Variants in RYR2 observed in about 807,000 individuals in gnomAD.
RYR2 encodes the protein cardiac muscle ryanodine receptor-calcium release channel.
Under a neutral mutation model 601.1 loss-of-function variants are expected in RYR2, and 227 were observed. The observed-to-expected ratio is 0.38, with a 90% CI of 0.34 to 0.42. The LOEUF (loss-of-function observed/expected upper bound fraction) is 0.42. Ranked by LOEUF, RYR2 falls within the 10% of genes least tolerant of loss-of-function variation. The probability of loss-of-function intolerance (pLI) is 1.00; values close to 1 mark genes in which losing one functional copy is unlikely to be tolerated. For missense variants in RYR2, 4,646 were observed against 6,156.5 expected (o/e 0.75, Z 8.21); for synonymous variants, 2,223 against 2,175.1 (o/e 1.02, Z -0.61).
rs1572573245 is a variant in RYR2, at chr1:237,492,716, A to C, written c.1828-238A>C. Among the ~76,000 whole-genome samples the C allele has an allele frequency of 2.0e-5, 3 of 151,866 alleles. No individual in the cohort carries two copies. The East Asian group carries it at 5.8e-4, about 29-fold the overall frequency. On this transcript the variant is annotated intron_variant, in intron 18 of 104. Transcript: ENST00000366574. ...TAGCCAGATGTGGTGGCATGCACCTACAGAGGCTGAGGTAGGAGGATTCTT... is the reference window on the plus strand; with the variant it reads ...TAGCCAGATGTGGTGGCATGCACCTCCAGAGGCTGAGGTAGGAGGATTCTT...
chr1:237,157,295 C>CAAAAAAAAAAAAAAAAAAAAA (rs33922740), intron 1 of RYR2, among the ~76,000 whole-genome samples: 16 of 63,506 alleles, frequency 2.5e-4, no homozygotes, highest in Non-Finnish European at 3.2e-4. Flanking sequence ...GACTCCATCT[C>CAAAAAAAAAAAAAAAAAAAAA]AAAAAAAAAA....
At chr1:237,056,132 G>C (rs1284515195) in intron 1 of RYR2, among the ~76,000 whole-genome samples, 1 of 150,126 alleles carries the variant, frequency 6.7e-6, no homozygotes, top group Non-Finnish European at 1.5e-5. Context: ...CACTTGCAAG[G>C]ACTGGAGCAT....
chr1:237,506,543 G>GA lies in RYR2; in HGVS notation c.2614-152dup, dbSNP rs368515743. On this transcript the variant is annotated intron_variant, in intron 22 of 104. Coordinates refer to ENST00000366574, the MANE Select transcript of RYR2 (RefSeq NM_001035.3). The stretch of plus-strand genomic sequence containing the variant: ...ACAGAGTGAGACTCCGTCTCAAGGG[G>GA]AAAAAAAAAAAAAAAGAATGTCGTG... Among the ~76,000 whole-genome samples, 29,552 of 134,618 alleles carry GA rather than the reference G, an allele frequency of 0.22. 3,210 individuals carry two copies. The highest frequency in any genetic ancestry group is 0.33 in the African/African-American group (11,888 of 36,394). 88.3% of individuals were successfully genotyped at this position (134,618 alleles called of 152,430 possible). A position where few individuals can be genotyped will look rare whatever the true frequency, so the allele number is the denominator to read the frequency against.
chr1:237,172,605 G>A (rs999002032), intron 1 of RYR2, among the ~76,000 whole-genome samples: 3 of 152,064 alleles, frequency 2.0e-5, no homozygotes, highest in African/African-American at 7.2e-5. Context: ...GATGCAGAAA[G>A]CAAGGAAATC....
chr1:237,427,600 C>G (rs1267599822), intron 12 of RYR2, among the ~76,000 whole-genome samples: 1 of 151,626 alleles, frequency 6.6e-6, no homozygotes, highest in African/African-American at 2.4e-5. Flanking sequence ...CTGGCCAACA[C>G]AGTGAAACCC....
At chr1:237,671,319 A>C (rs938390047) in intron 58 of RYR2, among the ~76,000 whole-genome samples, 1 of 152,158 alleles carries the variant, frequency 6.6e-6, no homozygotes, top group African/African-American at 2.4e-5. Context: ...GACTGTGGCC[A>C]GTTTCAGAGC....
At chr1:237,695,923 A>G (rs1318051761) in intron 63 of RYR2, among the ~76,000 whole-genome samples, 1 of 152,180 alleles carries the variant, frequency 6.6e-6, no homozygotes, top group Non-Finnish European at 1.5e-5. Flanking sequence ...TCCTTTAGCA[A>G]TCACAGAAAT....
intron 1 of RYR2, among the ~76,000 whole-genome samples, chr1:237,139,298 A>G (rs1673130832): frequency 1.3e-5 from 2 of 152,236 alleles, no homozygotes; most frequent in African/African-American, 4.8e-5. Flanking sequence ...CATCTGTGGG[A>G]TTCCACTGAT....
At chr1:237,326,730 T>G (rs1279951788) in intron 2 of RYR2, among the ~76,000 whole-genome samples, 1 of 152,182 alleles carries the variant, frequency 6.6e-6, no homozygotes, top group Non-Finnish European at 1.5e-5. Context: ...AAAAACAAAG[T>G]AAGACTAAGG....
chr1:237,797,031 A>C (rs923950592), intron 96 of RYR2, among the ~76,000 whole-genome samples: 1 of 151,522 alleles, frequency 6.6e-6, no homozygotes, highest in African/African-American at 2.4e-5. Flanking sequence ...TGATCCACCC[A>C]CCTCGGCCTC....
intron 1 of RYR2, among the ~76,000 whole-genome samples, chr1:237,087,366 C>T (rs1008283109): frequency 6.6e-6 from 1 of 152,118 alleles, no homozygotes; most frequent in African/African-American, 2.4e-5. Context: ...TCTCCTCCTC[C>T]TCCTCCTTCT....
chr1:237,784,471 G>A lies in RYR2; in HGVS notation c.12759G>A (p.Leu4253=), dbSNP rs2149355131. The A allele has an allele frequency of 6.2e-7, 1 of 1,613,570 alleles. No individual in the cohort carries two copies. The highest frequency in any genetic ancestry group is 1.1e-5 in the South Asian group (1 of 91,054). Reference sequence around the variant, plus strand: ...TGTTTGCGCTCAGGTACAATATCTTGACCCTTATGCGAATGCTCAGTCTGA... The same window carrying A: ...TGTTTGCGCTCAGGTACAATATCTTAACCCTTATGCGAATGCTCAGTCTGA... ...SALFALRYNI[L]TLMRMLSLKS... The change falls in exon 90 of 105, where the codon TTG becomes TTA. Residue 4253 remains leucine (L), a synonymous_variant. Transcript: ENST00000366574. The surrounding 1 kb of genome is among the most constrained non-coding windows in gnomAD (Gnocchi z 7.1).
Position 237,625,790 on chromosome 1 carries a change from A to T in RYR2, c.6152A>T (p.Asp2051Val). The T allele has an allele frequency of 6.2e-7, 1 of 1,613,512 alleles. No homozygotes were observed. Among genetic ancestry groups the T allele is most frequent in the Non-Finnish European group, 8.5e-7 (1 of 1,179,694 alleles). Residue 2051 changes from aspartate (D) to valine (V), a missense_variant, in exon 40 of 105, where the codon GAC becomes GTC. Coordinates refer to ENST00000366574, the MANE Select transcript of RYR2 (RefSeq NM_001035.3). ...KKQAEKPVES[D>V]SKKSSTLQQL... Reference sequence around the variant, plus strand: ...CAAGCAGAAAAACCAGTTGAGAGTGACTCCAAAAAGTCCTGTAAGCAGTAT... The same window carrying T: ...CAAGCAGAAAAACCAGTTGAGAGTGTCTCCAAAAAGTCCTGTAAGCAGTAT...
At chr1:237,407,260 A>G (rs937034409) in intron 10 of RYR2, among the ~76,000 whole-genome samples, 2 of 152,190 alleles carry the variant, frequency 1.3e-5, no homozygotes, top group African/African-American at 2.4e-5. Flanking sequence ...AAAAGCTACT[A>G]TTAATATTTA....
intron 1 of RYR2, among the ~76,000 whole-genome samples, chr1:237,081,511 A>C (rs907162497): frequency 3.4e-4 from 26 of 76,370 alleles, no homozygotes; most frequent in South Asian, 7.1e-4. Context: ...TACACCCCCC[A>C]CATATATATA....
chr1:237,446,686 A>T (rs1213370833), intron 14 of RYR2, among the ~76,000 whole-genome samples: 1 of 152,176 alleles, frequency 6.6e-6, no homozygotes, highest in African/African-American at 2.4e-5. Flanking sequence ...TAACCAAAAA[A>T]TGTGCACAGC....
At chr1:237,618,137 C>T (rs1292097245) in intron 38 of RYR2, among the ~76,000 whole-genome samples, 1 of 152,056 alleles carries the variant, frequency 6.6e-6, no homozygotes. Flanking sequence ...ATTTTCTTCT[C>T]TATCCAGGGT....
chr1:237,502,006 C>G, intron 21 of RYR2, among the ~76,000 whole-genome samples: 1 of 149,794 alleles, frequency 6.7e-6, no homozygotes, highest in African/African-American at 2.5e-5. Context: ...TGTTTTGTTT[C>G]TTTAGTTAGC....
At chr1:237,460,116 T>C (rs986258477) in intron 16 of RYR2, among the ~76,000 whole-genome samples, 4 of 152,166 alleles carry the variant, frequency 2.6e-5, no homozygotes, top group Admixed American at 6.5e-5. Context: ...GTCATCTTCC[T>C]CTAGTGCGGC....
Sources: allele counts gnomAD v4.1 joint callset (sites outside exome capture counted in the v4.1 genomes callset), GRCh38; gene constraint gnomAD v4.1.1; non-coding constraint Gnocchi (gnomAD v3.1); transcripts MANE v1.5; gene names NCBI Gene and HGNC (gene_info 2026-07-23, HGNC 2026-07-21).